Variants in ATP8B3 observed in about 807,000 individuals in gnomAD.
The protein encoded by ATP8B3 is phospholipid-transporting ATPase IK.
In ATP8B3, 141 loss-of-function variants were observed where a neutral mutation model predicts 140.9. The ratio of observed to expected loss-of-function variants is 1.00; its 90% CI spans 0.87 to 1.15. The LOEUF (loss-of-function observed/expected upper bound fraction) is 1.15, where lower values mean the gene tolerates loss of function less well. Ranked by LOEUF, ATP8B3 falls within the 50% of genes most tolerant of loss-of-function variation. The pLI is 0.00. For synonymous variants in ATP8B3, 765 were observed against 714.6 expected (o/e 1.07, Z -1.13); for missense variants, 1,874 against 1,740.6 (o/e 1.08, Z -1.36).
At position 1,796,067 on chromosome 19, in the gene ATP8B3, C is replaced by T. The variant is rs888432869; in HGVS notation, c.1942+10G>A. ...CTTGGGGGGCCCAGGGCTTGGGTGG[C>T]GGGGCTCACCCAGCACCGACATCCG... On this transcript the variant is annotated intron_variant, in intron 17 of 28. Coordinates refer to ENST00000310127, the MANE Select transcript of ATP8B3 (RefSeq NM_138813.4). 6 of 1,612,012 alleles carry T rather than the reference C, an allele frequency of 3.7e-6. No individual in the cohort carries two copies. The highest frequency in any genetic ancestry group is 4.2e-6 in the Non-Finnish European group (5 of 1,179,266).
Position 1,796,957 on chromosome 19 carries a change from A to C in ATP8B3, c.1584+17T>G, listed in dbSNP as rs917844124. 2.5e-6 allele frequency: 4 copies of C among 1,612,764 alleles called. No individual in the cohort carries two copies. In the African/African-American group the frequency reaches 5.3e-5, roughly 22 times the overall value. On this transcript the variant is annotated intron_variant, in intron 15 of 28. Coordinates refer to ENST00000310127, the MANE Select transcript of ATP8B3 (RefSeq NM_138813.4). ...CGTCCCCCTCACCGTCCCGCGCTGC[A>C]AGCCAGGCAGGCTCACCTTAGGTCG... is the stretch of plus-strand genomic sequence containing the variant.
intron 2 of ATP8B3, 126 bp from the exon 3 acceptor site, chr19:1,810,809 A>T: frequency 1.2e-6 from 1 of 813,056 alleles, no homozygotes; most frequent in Non-Finnish European, 1.9e-6. Context: ...ACTCATCTGC[A>T]GCCTCCCCGC....
intron 24 of ATP8B3, 59 bp from the exon 25 acceptor site, chr19:1,787,245 G>A: frequency 7.0e-7 from 1 of 1,435,030 alleles, no homozygotes; most frequent in Non-Finnish European, 9.6e-7. Context: ...CAAGGAGCCT[G>A]CCAAGCAGGC....
Position 1,789,637 on chromosome 19 carries a change from T to A in ATP8B3, c.2569A>T (p.Arg857Trp). The change falls in exon 23 of 29, where the codon AGG becomes TGG. Residue 857 changes from arginine (R) to tryptophan (W), a missense_variant. By Grantham distance (101) the Arg-to-Trp change is moderately radical. Transcript: ENST00000310127. ...DEAWQELGQSRRDFLYARRLS... is the reference protein window; with the variant it reads ...DEAWQELGQSWRDFLYARRLS... ...CGCCTGGCGTAGAGGAAATCCCTCC[T>A]GGACTGGCCGAGCTCCTGCCACGCC... 1 of 1,596,062 alleles carries A rather than the reference T, an allele frequency of 6.3e-7. No homozygotes were observed.
At chr19:1,796,288 T>G in intron 16 of ATP8B3, 23 bp from the exon 17 acceptor site, 3 of 1,579,386 alleles carry the variant, frequency 1.9e-6, no homozygotes, top group Non-Finnish European at 2.6e-6. Flanking sequence ...GGGGCCATTT[T>G]GGGGTCACGT....
At chr19:1,786,565 CA>C (rs57628690) in intron 25 of ATP8B3, among the ~76,000 whole-genome samples, 52,263 of 109,704 alleles carry the variant, frequency 0.48, 9,661 homozygotes, top group African/African-American at 0.59. Flanking sequence ...GACCCTGTCT[CA>C]AAAAAAAAAA....
chr19:1,797,551 G>T (rs2068721923), intron 14 of ATP8B3, among the ~76,000 whole-genome samples: 1 of 150,244 alleles, frequency 6.7e-6, no homozygotes, highest in African/African-American at 2.5e-5. Flanking sequence ...CCAGACTGGA[G>T]TGCAGTGGCA....
At position 1,788,852 on chromosome 19, in the gene ATP8B3, T is replaced by C. The variant is rs556231626; in HGVS notation, c.3069+45A>G. The C allele has an allele frequency of 5.0e-5, 76 of 1,514,174 alleles. No homozygotes were observed. In the African/African-American group the frequency reaches 9.1e-4, roughly 18 times the overall value. 93.8% of individuals were successfully genotyped at this position (1,514,174 alleles called of 1,614,324 possible). Reference sequence around the variant, plus strand: ...TGGCAGCTATGGGAGGGGCAGGGCATCCCCAGAGGCCCTGGTCATGGGGCA... The same window carrying C: ...TGGCAGCTATGGGAGGGGCAGGGCACCCCCAGAGGCCCTGGTCATGGGGCA... On this transcript the variant is annotated intron_variant, in intron 24 of 28. Transcript: ENST00000310127.
chr19:1,785,107 C>T lies in ATP8B3; in HGVS notation c.3532+52G>A, dbSNP rs531314437. 2.3e-4 allele frequency: 344 copies of T among 1,491,650 alleles called. 2 individuals carry two copies. Among genetic ancestry groups the T allele is most frequent in the Admixed American group, 1.4e-3 (58 of 41,792 alleles). 92.4% of individuals were successfully genotyped at this position (1,491,650 alleles called of 1,614,324 possible). On this transcript the variant is annotated intron_variant, in intron 27 of 28. Coordinates refer to ENST00000310127, the MANE Select transcript of ATP8B3 (RefSeq NM_138813.4). Reference sequence around the variant, plus strand: ...ATGAGCAACCTGCAACCTCTTCCATCGGGGCTCCCCTGCACCACGACCGCC... The same window carrying T: ...ATGAGCAACCTGCAACCTCTTCCATTGGGGCTCCCCTGCACCACGACCGCC...
chr19:1,791,644 C>T lies in ATP8B3; in HGVS notation c.2302+106G>A, dbSNP rs112635779. On this transcript the variant is annotated intron_variant, in intron 20 of 28. Coordinates refer to ENST00000310127, the MANE Select transcript of ATP8B3 (RefSeq NM_138813.4). Reference sequence around the variant, plus strand: ...CTGACCTCAAGTGATCCGCCCGCCTCGGCCTCCCAAAGTGCTGGGATGACA... The same window carrying T: ...CTGACCTCAAGTGATCCGCCCGCCTTGGCCTCCCAAAGTGCTGGGATGACA... 2.9e-3 allele frequency: 2,426 copies of T among 837,554 alleles called. 51 individuals carry two copies. In the African/African-American group the frequency reaches 0.035, roughly 12 times the overall value. The allele number at this position is 837,554 out of a possible 1,614,324, so 51.9% of individuals were successfully genotyped here.
At position 1,782,847 on chromosome 19, in the gene ATP8B3, G is replaced by T; in HGVS notation, c.*181C>A. 1 of 756,944 alleles carries T rather than the reference G, an allele frequency of 1.3e-6. No homozygotes were observed. The highest frequency in any genetic ancestry group is 2.1e-6 in the Non-Finnish European group (1 of 478,602). 46.9% of individuals were successfully genotyped at this position (756,944 alleles called of 1,614,324 possible). ...AATTGCTCTTGGAAAGACTCAGATA[G>T]CCTGTTGCTGCTGGTGAGCACATAT... On this transcript the variant is annotated 3_prime_UTR_variant, in exon 29 of 29. Coordinates refer to ENST00000310127, the MANE Select transcript of ATP8B3 (RefSeq NM_138813.4).
Position 1,789,996 on chromosome 19 carries a change from G to T in ATP8B3, c.2379-7C>A, listed in dbSNP as rs2068441773. The T allele has an allele frequency of 6.2e-7, 1 of 1,606,426 alleles. No individual in the cohort carries two copies. Among genetic ancestry groups the T allele is most frequent in the Non-Finnish European group, 8.5e-7 (1 of 1,175,102 alleles). The stretch of plus-strand genomic sequence containing the variant: ...GTAGGTCTCCAGGATGCGGCTGCGG[G>T]GCGCAGGGGTCAGCGGGGCAGGGGA... On this transcript the variant is annotated splice_region_variant and splice_polypyrimidine_tract_variant and intron_variant, in intron 21 of 28. Coordinates refer to ENST00000310127, the MANE Select transcript of ATP8B3 (RefSeq NM_138813.4).
At chr19:1,787,768 G>C (rs1341610764) in intron 24 of ATP8B3, among the ~76,000 whole-genome samples, 1 of 144,278 alleles carries the variant, frequency 6.9e-6, no homozygotes, top group Non-Finnish European at 1.5e-5. Context: ...AAAACGCTGG[G>C]TGCGATTGCT....
chr19:1,790,010 C>T (rs757297274), intron 21 of ATP8B3, 21 bp from the exon 22 acceptor site: 7 of 1,117,842 alleles, frequency 6.3e-6, no homozygotes, highest in African/African-American at 1.5e-5. Flanking sequence ...CAGGGGTCAG[C>T]GGGGCAGGGG....
chr19:1,789,533 G>A lies in ATP8B3; in HGVS notation c.2673C>T (p.Ser891=), dbSNP rs747719959. ...PAQDSRARRS[S]EVLQERAFVD... is the part of the protein sequence containing the mutation. ...CGAAGGCGCGCTCCTGCAGCACCTC[G>A]GAGCTACGGCGGGCTCTGGAGTCCT... The change falls in exon 23 of 29, where the codon TCC becomes TCT. Residue 891 remains serine (S), a synonymous_variant. Coordinates refer to ENST00000310127, the MANE Select transcript of ATP8B3 (RefSeq NM_138813.4). 3 of 1,598,046 alleles carry A rather than the reference G, an allele frequency of 1.9e-6. No individual in the cohort carries two copies. Among genetic ancestry groups the A allele is most frequent in the Non-Finnish European group, 2.5e-6 (3 of 1,178,602 alleles).
intron 20 of ATP8B3, 61 bp from the exon 21 acceptor site, chr19:1,790,893 A>G: frequency 8.1e-7 from 1 of 1,238,456 alleles, no homozygotes; most frequent in Non-Finnish European, 1.1e-6. Context: ...CCTGGGGGCC[A>G]CGCCCACTCT....
At position 1,806,062 on chromosome 19, in the gene ATP8B3, G is replaced by A. The variant is rs763458519; in HGVS notation, c.750+35C>T. The A allele has an allele frequency of 2.7e-5, 43 of 1,602,216 alleles. No homozygotes were observed. The highest frequency in any genetic ancestry group is 1.3e-4 in the South Asian group (12 of 89,760). ...AGGGGTGCTCTCGGTGAGGGGGCGC[G>A]TGGTTCTGGGACCTCGGGGTCAACC... is the stretch of plus-strand genomic sequence containing the variant. On this transcript the variant is annotated intron_variant, in intron 8 of 28. Coordinates refer to ENST00000310127, the MANE Select transcript of ATP8B3 (RefSeq NM_138813.4). The surrounding 1 kb of genome is among the most constrained non-coding windows in gnomAD (Gnocchi z 5.6).
chr19:1,810,439 G>A (rs1426504142), intron 3 of ATP8B3, among the ~76,000 whole-genome samples, 183 bp downstream of exon 3: 1 of 152,082 alleles, frequency 6.6e-6, no homozygotes. Flanking sequence ...GCTAATCTTC[G>A]TACTTTTAGT....
intron 18 of ATP8B3, among the ~76,000 whole-genome samples, chr19:1,793,462 C>T (rs1325385738): frequency 1.3e-5 from 2 of 152,198 alleles, no homozygotes; most frequent in Non-Finnish European, 2.9e-5. Flanking sequence ...CCGGTGCCTT[C>T]CCCAGCTGGG....
Sources: allele counts gnomAD v4.1 joint callset (sites outside exome capture counted in the v4.1 genomes callset), GRCh38; gene constraint gnomAD v4.1.1; non-coding constraint Gnocchi (gnomAD v3.1); transcripts MANE v1.5; gene names NCBI Gene and HGNC (gene_info 2026-07-23, HGNC 2026-07-21).